The following EZH1 variants were observed in gnomAD, a reference collection of about 807,000 sequenced individuals.
The protein encoded by EZH1 is histone-lysine N-methyltransferase EZH1.
In EZH1, 33 loss-of-function variants were observed where a neutral mutation model predicts 100.5. The observed-to-expected ratio is 0.33, with a 90% CI of 0.25 to 0.44. The LOEUF is 0.44. Among genes scored for constraint, EZH1 ranks in the 20% least tolerant of loss-of-function variants. The pLI, the probability that EZH1 is intolerant of heterozygous loss-of-function variation, is 1.00. For synonymous variants in EZH1, 272 were observed against 313.8 expected, an observed-to-expected ratio of 0.87 and a Z score of 1.41; for missense variants, 475 against 928.4, an observed-to-expected ratio of 0.51 and a Z score of 6.35.
chr17:42,741,559 T>C (rs1421133596), intron 1 of EZH1, among the ~76,000 whole-genome samples: 1 of 152,206 alleles, frequency 6.6e-6, no homozygotes, highest in Non-Finnish European at 1.5e-5. Context: ...AAAGATATAC[T>C]TAATGACATG....
rs148431477 is a variant in EZH1, at chr17:42,728,986, T to C, written c.-11-34A>G. 9.8e-4 allele frequency: 1,519 copies of C among 1,556,006 alleles called. 12 individuals carry two copies. In the East Asian group the frequency reaches 0.02, roughly 20 times the overall value. On this transcript the variant is annotated intron_variant, in intron 2 of 20. Coordinates refer to ENST00000428826, the MANE Select transcript of EZH1 (RefSeq NM_001991.5). ...GACAGAGATGAGAAATAGCATTTTA[T>C]TGCCTGGAAATAAAGCATTCCTCAA... is the stretch of plus-strand genomic sequence containing the variant.
chr17:42,718,176 G>T lies in EZH1; in HGVS notation c.932-109C>A. 1.9e-6 allele frequency: 2 copies of T among 1,037,888 alleles called. No homozygotes were observed. Among genetic ancestry groups the T allele is most frequent in the South Asian group, 2.9e-5 (2 of 69,056 alleles). The allele number at this position is 1,037,888 out of a possible 1,614,324, so 64.3% of individuals were successfully genotyped here. A position where few individuals can be genotyped will look rare whatever the true frequency, so the allele number is the denominator to read the frequency against. ...GTAGGAGTTAGAATTCGATATAAAC[G>T]GCTACCATCAGGGTGCACAAAATTC... On this transcript the variant is annotated intron_variant, in intron 9 of 20. Coordinates refer to ENST00000428826, the MANE Select transcript of EZH1 (RefSeq NM_001991.5). This position sits in a 1 kb window ranked among gnomAD's most constrained non-coding sequence, Gnocchi z 4.2.
intron 6 of EZH1, among the ~76,000 whole-genome samples, chr17:42,722,327 A>T (rs2053724590): frequency 6.7e-6 from 1 of 150,314 alleles, no homozygotes. Flanking sequence ...TAAAAAAAAA[A>T]TAAAAAAAAA....
At position 42,718,658 on chromosome 17, in the gene EZH1, G is replaced by A. The variant is rs776012319; in HGVS notation, c.768-41C>T. On this transcript the variant is annotated intron_variant, in intron 8 of 20. Coordinates refer to ENST00000428826, the MANE Select transcript of EZH1 (RefSeq NM_001991.5). The surrounding 1 kb of genome is among the most constrained non-coding windows in gnomAD (Gnocchi z 4.2). ...GAGATAAGAGTTCCTCCGAGGAACTGCCTCCACTGAGGAAATACAGATTGG... is the reference window on the plus strand; with the variant it reads ...GAGATAAGAGTTCCTCCGAGGAACTACCTCCACTGAGGAAATACAGATTGG... 6.3e-7 allele frequency: 1 copy of A among 1,597,996 alleles called. No individual in the cohort carries two copies. Among genetic ancestry groups the A allele is most frequent in the Admixed American group, 1.7e-5 (1 of 59,748 alleles).
intron 1 of EZH1, among the ~76,000 whole-genome samples, chr17:42,739,090 CT>C (rs1356868339): frequency 6.6e-6 from 1 of 152,046 alleles, no homozygotes; most frequent in Non-Finnish European, 1.5e-5. Context: ...CATCCTATTC[CT>C]TTTTTGATTC....
chr17:42,722,681 C>G (rs2053737443), intron 6 of EZH1, 114 bp downstream of exon 6: 1 of 899,894 alleles, frequency 1.1e-6, no homozygotes, highest in Non-Finnish European at 1.6e-6. Flanking sequence ...TTGAAATATT[C>G]TGCAGTGTGT....
At chr17:42,723,309 A>G (rs1392583101) in intron 5 of EZH1, among the ~76,000 whole-genome samples, 3 of 151,478 alleles carry the variant, frequency 2.0e-5, no homozygotes, top group African/African-American at 7.3e-5. Flanking sequence ...TGGGAGGCAG[A>G]GGTTGCAGTA....
intron 1 of EZH1, among the ~76,000 whole-genome samples, chr17:42,733,757 T>G (rs535836715): frequency 1.5e-4 from 22 of 150,602 alleles, no homozygotes; most frequent in Admixed American, 7.3e-4. Flanking sequence ...CTGGCCAGCA[T>G]AGTGAAACCT....
chr17:42,717,853 C>T (rs527911602), intron 10 of EZH1, 123 bp downstream of exon 10: 3 of 789,968 alleles, frequency 3.8e-6, no homozygotes, highest in South Asian at 1.7e-5. Flanking sequence ...AACTGGGGAG[C>T]TCCTTAAGAG....
rs1458523305 is a variant in EZH1 at position 42,719,097 on chromosome 17, T to C, written c.767+8A>G. The C allele has an allele frequency of 1.2e-6, 2 of 1,607,586 alleles. No homozygotes were observed. Among genetic ancestry groups the C allele is most frequent in the Non-Finnish European group, 1.7e-6 (2 of 1,174,198 alleles). On this transcript the variant is annotated splice_region_variant and intron_variant, in intron 8 of 20. Coordinates refer to ENST00000428826, the MANE Select transcript of EZH1 (RefSeq NM_001991.5). ...TGTATATGGCCTAAGTGGGACAGCT[T>C]TCCCTACCTCTCCTTCATGTCATCT... is the stretch of plus-strand genomic sequence containing the variant.
intron 12 of EZH1, 38 bp from the exon 13 acceptor site, chr17:42,709,975 C>T (rs1192928777): frequency 2.5e-6 from 4 of 1,597,854 alleles, no homozygotes; most frequent in East Asian, 2.2e-5. Flanking sequence ...ACTCCTCGAG[C>T]AAGGGGGTCA....
intron 1 of EZH1, among the ~76,000 whole-genome samples, chr17:42,743,361 G>GA (rs1214543801): frequency 3.3e-5 from 5 of 151,344 alleles, no homozygotes; most frequent in Admixed American, 3.3e-4. Flanking sequence ...AGTAGAGATG[G>GA]AGTTGTCCCA....
intron 1 of EZH1, among the ~76,000 whole-genome samples, chr17:42,736,093 G>A: frequency 6.6e-6 from 1 of 152,280 alleles, no homozygotes; most frequent in East Asian, 1.9e-4. Context: ...GGGAAATGCA[G>A]ATGAAAAATA....
In EZH1 at chr17:42,727,109, C is replaced by T. The variant is rs140481610; in HGVS notation, c.246+526G>A. ...AAGTGATCCATCTGCCTCAGCCTCC[C>T]GAAGTGCTGAGATTACAGGTGTGAG... On this transcript the variant is annotated intron_variant, in intron 4 of 20. Transcript: ENST00000428826. Among the ~76,000 whole-genome samples, 1,481 of 152,200 alleles carry T rather than the reference C, an allele frequency of 9.7e-3. 25 individuals are homozygous for T. Among genetic ancestry groups the T allele is most frequent in the African/African-American group, 0.034 (1,427 of 41,524 alleles).
Position 42,709,930 on chromosome 17 carries a change from T to G in EZH1, c.1409A>C (p.Gln470Pro). The G allele has an allele frequency of 6.2e-7, 1 of 1,614,112 alleles. No individual in the cohort carries two copies. Among genetic ancestry groups the G allele is most frequent in the Non-Finnish European group, 8.5e-7 (1 of 1,179,964 alleles). ...LGTKTCKQVF[Q>P]FAVKESLILK... ...GATAAGTGATTCTTTGACTGCAAACTGAAAGACCTGGAAGAGAAATCCAAC... is the reference window on the plus strand; with the variant it reads ...GATAAGTGATTCTTTGACTGCAAACGGAAAGACCTGGAAGAGAAATCCAAC... Residue 470 changes from glutamine (Q) to proline (P), a missense_variant, in exon 13 of 21, where the codon CAG becomes CCG. Gln to Pro is a moderately conservative substitution (Grantham distance 76, BLOSUM62 -1). Coordinates refer to ENST00000428826, the MANE Select transcript of EZH1 (RefSeq NM_001991.5).
At chr17:42,727,126 A>G (rs2053836282) in intron 4 of EZH1, among the ~76,000 whole-genome samples, 1 of 151,764 alleles carries the variant, frequency 6.6e-6, no homozygotes, top group Admixed American at 6.6e-5. Flanking sequence ...CTGAGATTAC[A>G]GGTGTGAGCC....
intron 1 of EZH1, among the ~76,000 whole-genome samples, chr17:42,741,943 G>A (rs1049678518): frequency 6.6e-6 from 1 of 151,678 alleles, no homozygotes; most frequent in Non-Finnish European, 1.5e-5. Context: ...CGCCCACCTC[G>A]GCCTCCCAAA....
chr17:42,726,677 A>G (rs2053827650), intron 4 of EZH1, among the ~76,000 whole-genome samples: 1 of 151,390 alleles, frequency 6.6e-6, no homozygotes, highest in South Asian at 2.1e-4. Flanking sequence ...ATGCCTGGCT[A>G]ATTTTTTTGT....
chr17:42,737,678 G>A (rs902314462), intron 1 of EZH1, among the ~76,000 whole-genome samples: 11 of 151,982 alleles, frequency 7.2e-5, no homozygotes, highest in African/African-American at 2.7e-4. Context: ...CTAAAAAATA[G>A]AGTTTATTTT....
Sources: gnomAD v4.1 joint callset for allele counts (sites outside exome capture counted in the v4.1 genomes callset) on GRCh38, gnomAD v4.1.1 for gene constraint, Gnocchi (gnomAD v3.1) non-coding constraint, MANE v1.5 for transcripts, NCBI Gene and HGNC (gene_info 2026-07-23, HGNC 2026-07-21) for gene names.